The following NAALAD2 variants were observed in gnomAD, a reference collection of about 807,000 sequenced individuals.
The protein encoded by NAALAD2 is N-acetylated alpha-linked acidic dipeptidase 2.
NAALAD2 carries 89 observed loss-of-function variants against 95.6 expected under a neutral mutation model. That is an observed-to-expected ratio of 0.93 (90% CI 0.78 to 1.11). The LOEUF (loss-of-function observed/expected upper bound fraction) is 1.11, where lower values mean the gene tolerates loss of function less well. NAALAD2 is among the 50% of genes least tolerant of loss of function. The pLI is 0.00. For missense variants in NAALAD2, 894 were observed against 872.4 expected, an observed-to-expected ratio of 1.02 and a Z score of -0.31; for synonymous variants, 264 against 294.4, an observed-to-expected ratio of 0.90 and a Z score of 1.06.
At chr11:90,185,858 CTTTT>C (rs375865674) in intron 18 of NAALAD2, among the ~76,000 whole-genome samples, 3 of 133,056 alleles carry the variant, frequency 2.3e-5, no homozygotes, top group Non-Finnish European at 3.3e-5. Flanking sequence ...AGGGTAAACA[CTTTT>C]TTTTTTTTTT....
rs761547025 is a variant in NAALAD2, at chr11:90,177,930, C to T, written c.1671C>T (p.Asp557=). The change falls in exon 16 of 19, where the codon GAC becomes GAT. Residue 557 remains aspartate (D), a synonymous_variant. Coordinates refer to ENST00000534061, the MANE Select transcript of NAALAD2 (RefSeq NM_005467.4). ...ETFELVEKFY[D]PTFKKQLSVA... ...TTGAATTGGTAGAGAAATTTTATGA[C>T]CCCACATTTAAAAAACAACTTTCTG... The T allele has an allele frequency of 7.4e-6, 12 of 1,613,530 alleles. No homozygotes were observed. The highest frequency in any genetic ancestry group is 1.0e-5 in the Non-Finnish European group (12 of 1,179,880).
chr11:90,178,618 C>G (rs989966861), intron 16 of NAALAD2, among the ~76,000 whole-genome samples: 31 of 151,404 alleles, frequency 2.0e-4, no homozygotes, highest in Non-Finnish European at 2.9e-5. Context: ...TTGCAGTGAG[C>G]TGAGATCGCG....
In NAALAD2 at chr11:90,191,963, C is replaced by T. The variant is rs1857341495; in HGVS notation, c.*216C>T. 3.3e-6 allele frequency: 1 copy of T among 306,730 alleles called. No individual in the cohort carries two copies. Among genetic ancestry groups the T allele is most frequent in the Non-Finnish European group, 5.9e-6 (1 of 169,708 alleles). The allele number at this position is 306,730 out of a possible 1,614,324, so 19.0% of individuals were successfully genotyped here. A position where few individuals can be genotyped will look rare whatever the true frequency, so the allele number is the denominator to read the frequency against. ...TGTTAATCTAATGAAGTAAAAAACT[C>T]CTGTGTGGCAGAAAGTAAAAGAAAA... On this transcript the variant is annotated 3_prime_UTR_variant, in exon 19 of 19. Transcript: ENST00000534061.
At chr11:90,132,727 T>G, upstream of NAALAD2, among the ~76,000 whole-genome samples, 1 of 152,208 alleles carries the variant, frequency 6.6e-6, no homozygotes, top group East Asian at 1.9e-4. Flanking sequence ...TCACTGGATA[T>G]TGAACCTTTT....
intron 17 of NAALAD2, among the ~76,000 whole-genome samples, chr11:90,182,420 A>G (rs374655986): frequency 2.6e-5 from 4 of 152,162 alleles, no homozygotes; most frequent in South Asian, 2.1e-4. Context: ...AACTTACTCA[A>G]CTCCCCAAAG....
rs949390194 is a variant in NAALAD2, at chr11:90,170,047, C to G, written c.1343-22C>G. 5 of 1,389,700 alleles carry G rather than the reference C, an allele frequency of 3.6e-6. No homozygotes were observed. In the Admixed American group the frequency reaches 8.4e-5, roughly 23 times the overall value. The allele number at this position is 1,389,700 out of a possible 1,614,324, so 86.1% of individuals were successfully genotyped here. A position where few individuals can be genotyped will look rare whatever the true frequency, so the allele number is the denominator to read the frequency against. Reference sequence around the variant, plus strand: ...TCATTTAGAAGTATGAAATAATACTCTGTGTCTTATTTATTTTTCAGGCAA... The same window carrying G: ...TCATTTAGAAGTATGAAATAATACTGTGTGTCTTATTTATTTTTCAGGCAA... On this transcript the variant is annotated intron_variant, in intron 12 of 18. Transcript: ENST00000534061.
At chr11:90,144,619 G>A (rs147592669) in intron 2 of NAALAD2, among the ~76,000 whole-genome samples, 2,121 of 151,878 alleles carry the variant, frequency 0.014, 24 homozygotes, top group South Asian at 0.022. Flanking sequence ...GCATGCACCT[G>A]TAATCCCAGC....
chr11:90,150,434 T>G (rs777880691), intron 4 of NAALAD2, 48 bp from the exon 5 acceptor site: 2 of 1,305,176 alleles, frequency 1.5e-6, no homozygotes, highest in Non-Finnish European at 2.1e-6. Flanking sequence ...TTTGTTTTTT[T>G]TTTTCTTTAA....
At chr11:90,186,787 C>T (rs949464856) in intron 18 of NAALAD2, among the ~76,000 whole-genome samples, 4 of 145,686 alleles carry the variant, frequency 2.7e-5, no homozygotes, top group African/African-American at 1.0e-4. Context: ...ATGTCCAAAA[C>T]ACCAAAAGCA....
chr11:90,184,202 T>TAAA (rs1857054458), intron 18 of NAALAD2, among the ~76,000 whole-genome samples: 1 of 152,194 alleles, frequency 6.6e-6, no homozygotes, highest in African/African-American at 2.4e-5. Context: ...TATGTTACCT[T>TAAA]TCTTATAAAT....
intron 15 of NAALAD2, among the ~76,000 whole-genome samples, chr11:90,177,441 A>C (rs1216205533): frequency 2.6e-5 from 4 of 151,852 alleles, no homozygotes; most frequent in Non-Finnish European, 5.9e-5. Flanking sequence ...TAGCATCTTG[A>C]ATGAAGGTTA....
At chr11:90,163,904 T>A (rs186803117) in intron 11 of NAALAD2, 77 of 474,186 alleles carry the variant, frequency 1.6e-4, no homozygotes, top group African/African-American at 1.5e-3. Context: ...CAGAAAATAA[T>A]CAAAATTAAT....
At chr11:90,137,300 C>T (rs1249525196) in intron 2 of NAALAD2, among the ~76,000 whole-genome samples, 2 of 151,868 alleles carry the variant, frequency 1.3e-5, no homozygotes, top group Non-Finnish European at 2.9e-5. Context: ...TATTACATAG[C>T]ACAATAGGGC....
At chr11:90,141,303 T>C (rs1565509783) in intron 2 of NAALAD2, among the ~76,000 whole-genome samples, 1 of 152,212 alleles carries the variant, frequency 6.6e-6, no homozygotes, top group Non-Finnish European at 1.5e-5. Flanking sequence ...ATTAATCCTA[T>C]AGAGCTATTT....
At chr11:90,156,662 T>G (rs928332494) in intron 6 of NAALAD2, among the ~76,000 whole-genome samples, 7 of 152,116 alleles carry the variant, frequency 4.6e-5, no homozygotes, top group Non-Finnish European at 8.8e-5. Flanking sequence ...CATCGCTCAC[T>G]GTAACCGCAA....
At chr11:90,135,102 G>A (rs1464641422) in intron 1 of NAALAD2, 2 of 454,850 alleles carry the variant, frequency 4.4e-6, no homozygotes, top group Non-Finnish European at 7.8e-6. Flanking sequence ...AGCTGTCACT[G>A]TCTGCAGGGA....
intron 13 of NAALAD2, 49 bp from the exon 14 acceptor site, chr11:90,173,775 A>T (rs777208539): frequency 1.5e-6 from 2 of 1,304,728 alleles, no homozygotes; most frequent in Non-Finnish European, 2.2e-6. Context: ...TTTGGCATAA[A>T]TGTAGTTGCT....
rs1305948821 is a variant in NAALAD2 at position 90,177,893 on chromosome 11, T to C, written c.1634T>C (p.Ile545Thr). The C allele has an allele frequency of 6.2e-7, 1 of 1,613,908 alleles. No individual in the cohort carries two copies. Among genetic ancestry groups the C allele is most frequent in the South Asian group, 1.1e-5 (1 of 91,074 alleles). ...KYSSYPVYHT[I>T]YETFELVEKF... Reference sequence around the variant, plus strand: ...AGCAGCTACCCAGTGTACCACACAATTTATGAGACATTTGAATTGGTAGAG... The same window carrying C: ...AGCAGCTACCCAGTGTACCACACAACTTATGAGACATTTGAATTGGTAGAG... The change falls in exon 16 of 19, where the codon ATT (isoleucine) becomes ACT (threonine). Residue 545 changes from isoleucine to threonine, a missense_variant. Ile to Thr is a moderately conservative substitution (Grantham distance 89). Coordinates refer to ENST00000534061, the MANE Select transcript of NAALAD2 (RefSeq NM_005467.4).
rs572461804 is a variant in NAALAD2 at position 90,167,309 on chromosome 11, C to T, written c.1279-1620C>T. Among the ~76,000 whole-genome samples, 262 of 152,304 alleles carry T rather than the reference C, an allele frequency of 1.7e-3. 3 individuals are homozygous for T. Among genetic ancestry groups the T allele is most frequent in the African/African-American group, 6.0e-3 (250 of 41,576 alleles). On this transcript the variant is annotated intron_variant, in intron 11 of 18. Transcript: ENST00000534061. ...CGCCGGCCAGCCTGCAAGCCCGGGG[C>T]AGTAAGGGGCTTAGCGCCTGGGCCA... is the stretch of plus-strand genomic sequence containing the variant.
Sources: allele counts gnomAD v4.1 joint callset (sites outside exome capture counted in the v4.1 genomes callset), GRCh38; gene constraint gnomAD v4.1.1; transcripts MANE v1.5; gene names NCBI Gene and HGNC (gene_info 2026-07-23, HGNC 2026-07-21).